The following SLC71A2 variants were observed in gnomAD, a reference collection of about 807,000 sequenced individuals.
SLC71A2 encodes the protein hippocampus abundant transcript-like 1.
the SLC71A2 span, among the ~76,000 whole-genome samples, chr9:94,433,447 C>CG: frequency 6.6e-6 from 1 of 150,406 alleles, no homozygotes; most frequent in Admixed American, 6.6e-5. Context: ...CCGAGGTGGG[C>CG]GGATCACCTG....
At chr9:94,421,297 G>A in the SLC71A2 span, among the ~76,000 whole-genome samples, 1 of 152,160 alleles carries the variant, frequency 6.6e-6, no homozygotes, top group South Asian at 2.1e-4. Context: ...ACAGCTTGAT[G>A]AATTTTTATA....
the SLC71A2 span, among the ~76,000 whole-genome samples, chr9:94,420,385 C>T: frequency 1.3e-5 from 2 of 152,132 alleles, no homozygotes; most frequent in Non-Finnish European, 2.9e-5. Flanking sequence ...GGTAGCGGCT[C>T]AAAACTGAAA....
At chr9:94,437,786 G>GT in the SLC71A2 span, among the ~76,000 whole-genome samples, 2 of 144,782 alleles carry the variant, frequency 1.4e-5, no homozygotes, top group South Asian at 2.3e-4. Context: ...CGTATGCTTG[G>GT]TGTGTGTTCG....
the SLC71A2 span, among the ~76,000 whole-genome samples, chr9:94,382,541 G>T: frequency 6.6e-6 from 1 of 151,934 alleles, no homozygotes; most frequent in Non-Finnish European, 1.5e-5. Flanking sequence ...GCAGTGTCTT[G>T]AAGAACAGGA....
At chr9:94,433,074 AT>A in the SLC71A2 span, 2 of 360,066 alleles carry the variant, frequency 5.6e-6, no homozygotes, top group Non-Finnish European at 5.4e-6. Flanking sequence ...TGCTACTCTC[AT>A]ACAGCCAGTA....
the SLC71A2 span, chr9:94,432,593 T>C: frequency 5.9e-6 from 1 of 168,666 alleles, no homozygotes; most frequent in African/African-American, 2.4e-5. Flanking sequence ...ACACAGAGTG[T>C]CCAGCACCAG....
the SLC71A2 span, among the ~76,000 whole-genome samples, chr9:94,415,911 A>T: frequency 1.3e-5 from 2 of 152,230 alleles, no homozygotes; most frequent in African/African-American, 4.8e-5. Context: ...TTAGGAGGAT[A>T]TTAATGGTCT....
chr9:94,455,718 C>G, the SLC71A2 span, among the ~76,000 whole-genome samples: 2 of 152,086 alleles, frequency 1.3e-5, no homozygotes, highest in Admixed American at 1.3e-4. Context: ...CATACTGATA[C>G]ATAGTTAAGA....
chr9:94,379,994 G>A, the SLC71A2 span, among the ~76,000 whole-genome samples: 5 of 152,148 alleles, frequency 3.3e-5, no homozygotes, highest in Non-Finnish European at 7.3e-5. Flanking sequence ...TCAGCTGGAC[G>A]CGGTGGCTTA....
At chr9:94,387,248 C>T in the SLC71A2 span, among the ~76,000 whole-genome samples, 1 of 152,112 alleles carries the variant, frequency 6.6e-6, no homozygotes, top group African/African-American at 2.4e-5. Context: ...CTTGCCACGT[C>T]CCTTTCTGCA....
the SLC71A2 span, among the ~76,000 whole-genome samples, chr9:94,452,660 T>TATATATTCATATATATTC: frequency 1.0e-3 from 58 of 55,632 alleles, no homozygotes; most frequent in South Asian, 0.01. Flanking sequence ...TATATATTCA[T>TATATATTCATATATATTC]ATATATTCAT....
At chr9:94,455,344 T>TG in the SLC71A2 span, among the ~76,000 whole-genome samples, 2 of 100,886 alleles carry the variant, frequency 2.0e-5, no homozygotes, top group African/African-American at 9.7e-5. Flanking sequence ...AATATTTTGA[T>TG]TTTTTTTTTA....
At chr9:94,421,960 C>G in the SLC71A2 span, among the ~76,000 whole-genome samples, 2 of 152,048 alleles carry the variant, frequency 1.3e-5, no homozygotes, top group Non-Finnish European at 2.9e-5. Flanking sequence ...GTTGCCCAGG[C>G]TGGAGTGCAG....
chr9:94,449,885 A>G, the SLC71A2 span, among the ~76,000 whole-genome samples: 11 of 152,262 alleles, frequency 7.2e-5, no homozygotes, highest in Non-Finnish European at 1.2e-4. Context: ...TTCAGCAGTA[A>G]AAAGCAATGA....
the SLC71A2 span, among the ~76,000 whole-genome samples, chr9:94,437,265 C>G: frequency 0.19 from 25,965 of 139,186 alleles, 2,628 homozygotes; most frequent in Middle Eastern, 0.27. Context: ...TTCAGATACA[C>G]AAAAGAATAG....
At chr9:94,408,253 A>C in the SLC71A2 span, among the ~76,000 whole-genome samples, 1 of 152,176 alleles carries the variant, frequency 6.6e-6, no homozygotes, top group African/African-American at 2.4e-5. Flanking sequence ...CATAAGTCTA[A>C]AGCGACTTTC....
At chr9:94,402,428 G>C in the SLC71A2 span, among the ~76,000 whole-genome samples, 1 of 152,060 alleles carries the variant, frequency 6.6e-6, no homozygotes. Flanking sequence ...TCACGGTGAT[G>C]TAGAACTACC....
chr9:94,399,404 C>T, the SLC71A2 span, among the ~76,000 whole-genome samples: 1 of 152,032 alleles, frequency 6.6e-6, no homozygotes, highest in African/African-American at 2.4e-5. Flanking sequence ...GCTCTTTCAG[C>T]TGATAGAGTG....
At chr9:94,455,378 ATT>A in the SLC71A2 span, among the ~76,000 whole-genome samples, 3,698 of 85,522 alleles carry the variant, frequency 0.043, 17 homozygotes, top group Middle Eastern at 0.1. Context: ...TAATATTCTG[ATT>A]TTTTTTTTTT....
Sources: gnomAD v4.1 joint callset for allele counts (sites outside exome capture counted in the v4.1 genomes callset) on GRCh38, gnomAD v4.1.1 for gene constraint, MANE v1.5 for transcripts, NCBI Gene and HGNC (gene_info 2026-07-23, HGNC 2026-07-21) for gene names.